Variants in PALM2AKAP2 observed in about 807,000 individuals in gnomAD.
PALM2AKAP2 encodes PALM2 and AKAP2 fusion, also known as PALM2-AKAP2 fusion protein.
A neutral mutation model predicts 71.5 loss-of-function variants in PALM2AKAP2; 37 were observed. The observed-to-expected ratio is 0.52, with a 90% CI of 0.40 to 0.68. The LOEUF (loss-of-function observed/expected upper bound fraction) is 0.68, where lower values mean the gene tolerates loss of function less well. Ranked by LOEUF, PALM2AKAP2 falls within the 30% of genes least tolerant of loss-of-function variation. PALM2AKAP2 has a pLI of 0.00. For missense variants in PALM2AKAP2, 1,224 were observed against 1,191.8 expected, an observed-to-expected ratio of 1.03 and a Z score of -0.40; for synonymous variants, 468 against 478.8, an observed-to-expected ratio of 0.98 and a Z score of 0.29.
At chr9:109,676,101 C>A (rs1326837279) in intron 1 of PALM2AKAP2, among the ~76,000 whole-genome samples, 1 of 152,114 alleles carries the variant, frequency 6.6e-6, no homozygotes, top group East Asian at 1.9e-4. Flanking sequence ...GAAAAGTAGT[C>A]AGGGTCTTAA....
exon 2 of PALM2AKAP2, chr9:110,136,702 C>G (rs141137319): frequency 1.7e-4 from 275 of 1,614,206 alleles, no homozygotes; most frequent in Admixed American, 5.3e-4. Flanking sequence ...GCCCCAGCTC[C>G]ACAACCAGCT....
intron 1 of PALM2AKAP2, among the ~76,000 whole-genome samples, chr9:109,833,765 T>C (rs558440629): frequency 9.3e-4 from 142 of 152,282 alleles, no homozygotes; most frequent in African/African-American, 3.4e-3. Context: ...AGAAAAGTAA[T>C]GATTGCCACA....
At chr9:109,771,018 G>A (rs779752688) in intron 1 of PALM2AKAP2, among the ~76,000 whole-genome samples, 19 of 152,158 alleles carry the variant, frequency 1.2e-4, no homozygotes, top group Non-Finnish European at 2.8e-4. Flanking sequence ...GGAAGATAAG[G>A]TCAGGTTTGT....
At chr9:109,982,674 G>A in intron 6 of PALM2AKAP2, among the ~76,000 whole-genome samples, 1 of 152,188 alleles carries the variant, frequency 6.6e-6, no homozygotes, top group Non-Finnish European at 1.5e-5. Flanking sequence ...CACCCAGGCA[G>A]GAGTGCAGTG....
chr9:110,050,781 C>T (rs999842217), intron 1 of PALM2AKAP2, among the ~76,000 whole-genome samples: 1 of 152,296 alleles, frequency 6.6e-6, no homozygotes, highest in South Asian at 2.1e-4. Flanking sequence ...GCACCCACCA[C>T]CACACCCGGC....
chr9:109,777,204 C>A (rs961762986), upstream of PALM2AKAP2, among the ~76,000 whole-genome samples: 2 of 152,236 alleles, frequency 1.3e-5, no homozygotes, highest in Non-Finnish European at 2.9e-5. Flanking sequence ...TAACCTCTCT[C>A]CTGAGAGTTG....
intron 1 of PALM2AKAP2, among the ~76,000 whole-genome samples, chr9:109,818,948 G>A (rs973787471): frequency 1.3e-5 from 2 of 152,142 alleles, no homozygotes; most frequent in Non-Finnish European, 2.9e-5. Context: ...TAGGTTACAA[G>A]TTCATTTTTG....
chr9:109,888,533 A>C (rs2131800469), intron 3 of PALM2AKAP2, among the ~76,000 whole-genome samples: 1 of 151,960 alleles, frequency 6.6e-6, no homozygotes, highest in African/African-American at 2.4e-5. Context: ...ACATGGTGAA[A>C]CCTCTTCTCT....
At chr9:109,747,543 G>T (rs959175832) in intron 1 of PALM2AKAP2, among the ~76,000 whole-genome samples, 4 of 152,168 alleles carry the variant, frequency 2.6e-5, no homozygotes, top group Non-Finnish European at 4.4e-5. Context: ...TTACAAAACA[G>T]CATTTCTGAG....
intron 2 of PALM2AKAP2, among the ~76,000 whole-genome samples, chr9:110,150,479 A>ATC (rs373544506): frequency 5.5e-4 from 83 of 150,524 alleles, no homozygotes; most frequent in African/African-American, 1.5e-3. Context: ...GCATCTTCAG[A>ATC]TCTCTCTCTC....
intron 7 of PALM2AKAP2, among the ~76,000 whole-genome samples, chr9:110,020,800 A>AG (rs1833060900): frequency 6.6e-6 from 1 of 152,124 alleles, no homozygotes; most frequent in African/African-American, 2.4e-5. Context: ...TTGGAAAAAA[A>AG]GTCTTTGCAG....
At chr9:109,758,449 G>C (rs955182018) in intron 1 of PALM2AKAP2, among the ~76,000 whole-genome samples, 7 of 152,022 alleles carry the variant, frequency 4.6e-5, no homozygotes, top group African/African-American at 1.7e-4. Flanking sequence ...TCCGTTATTA[G>C]CTGATTTTCT....
chr9:109,764,589 G>A (rs1829118506), intron 1 of PALM2AKAP2, among the ~76,000 whole-genome samples: 1 of 152,152 alleles, frequency 6.6e-6, no homozygotes, highest in Non-Finnish European at 1.5e-5. Context: ...TCATCAAACT[G>A]TATCAACTGA....
chr9:109,779,230 T>C (rs1311304650), upstream of PALM2AKAP2, among the ~76,000 whole-genome samples: 2 of 152,226 alleles, frequency 1.3e-5, no homozygotes, highest in Admixed American at 6.5e-5. Flanking sequence ...TTTTTTTGCT[T>C]TTGGCATTGA....
chr9:109,924,422 C>T (rs1337966560), intron 4 of PALM2AKAP2, among the ~76,000 whole-genome samples: 1 of 151,978 alleles, frequency 6.6e-6, no homozygotes, highest in South Asian at 2.1e-4. Flanking sequence ...CGTGGTGAAA[C>T]CCTGTCTGTA....
intron 3 of PALM2AKAP2, among the ~76,000 whole-genome samples, chr9:109,897,757 T>C (rs1000644661): frequency 2.0e-5 from 3 of 152,230 alleles, no homozygotes; most frequent in Non-Finnish European, 4.4e-5. Context: ...ATTCACTTCA[T>C]TCAATATGAA....
intron 1 of PALM2AKAP2, among the ~76,000 whole-genome samples, chr9:109,825,535 A>G (rs997111963): frequency 6.6e-5 from 10 of 152,188 alleles, no homozygotes; most frequent in Admixed American, 6.5e-4. Flanking sequence ...CAAACAACCC[A>G]ATCAACAAGT....
At chr9:110,089,145 T>C (rs1459774038) in intron 1 of PALM2AKAP2, among the ~76,000 whole-genome samples, 39 of 151,896 alleles carry the variant, frequency 2.6e-4, no homozygotes, top group Admixed American at 2.6e-3. Context: ...TGCAGAGCAA[T>C]AGGGAGAAAG....
chr9:110,019,484 A>G (rs1033512777), intron 7 of PALM2AKAP2, among the ~76,000 whole-genome samples: 2 of 152,198 alleles, frequency 1.3e-5, no homozygotes, highest in African/African-American at 4.8e-5. Flanking sequence ...TCTTATCAAA[A>G]AGACACTCAC....
Sources: allele counts gnomAD v4.1 joint callset (sites outside exome capture counted in the v4.1 genomes callset), GRCh38; gene constraint gnomAD v4.1.1; transcripts MANE v1.5; gene names NCBI Gene and HGNC (gene_info 2026-07-23, HGNC 2026-07-21).